ZBED6: variants seen among roughly 807,000 people sequenced by gnomAD.
The protein encoded by ZBED6 is zinc finger BED domain-containing protein 6.
ZBED6 carries 40 observed loss-of-function variants against 58.4 expected under a neutral mutation model. The ratio of observed to expected loss-of-function variants is 0.68; its 90% CI spans 0.53 to 0.89. ZBED6 has a LOEUF of 0.89. ZBED6 is among the 40% of genes least tolerant of loss of function. The pLI, the probability that ZBED6 is intolerant of heterozygous loss-of-function variation, is 0.00. For synonymous variants in ZBED6, 439 were observed against 350.6 expected, an observed-to-expected ratio of 1.25 and a Z score of -2.82; for missense variants, 1,057 against 1,003.9, an observed-to-expected ratio of 1.05 and a Z score of -0.71.
Position 203,799,932 on chromosome 1 carries a change from G to T in ZBED6, c.2410G>T (p.Glu804Ter), listed in dbSNP as rs1454128037. 1.3e-6 allele frequency: 2 copies of T among 1,536,080 alleles called. No individual in the cohort carries two copies. The highest frequency in any genetic ancestry group is 2.7e-5 in the African/African-American group (2 of 73,154). ...TGCAGAAGAGGTCTGTAATTATATG[G>T]AATCTTCACCAGAGATCTGCCAAAT... The change falls in exon 1 of 17, where the codon GAA becomes TAA. Residue 804 changes from glutamate to a stop codon, truncating the protein, a stop_gained. Transcript: ENST00000550078. LOFTEE classifies it high-confidence loss of function.
At chr1:203,852,432 C>T (rs909652446) in exon 17 of ZBED6, 7 of 1,601,250 alleles carry the variant, frequency 4.4e-6, no homozygotes, top group South Asian at 2.3e-5. Context: ...AAAAAAAAAT[C>T]GCCAAAAAAC....
chr1:203,814,326 C>T lies in ZBED6; in HGVS notation c.*2555-2600C>T, dbSNP rs188385820. On this transcript the variant is annotated intron_variant, in intron 1 of 16. Coordinates refer to ENST00000550078, the Ensembl canonical transcript of ZBED6. ...ATCATCTGAGGTCAGAAGTTCAAGA[C>T]CAGCCTGGCCAACATGGCGAAACCC... Among the ~76,000 whole-genome samples the T allele has an allele frequency of 1.2e-4, 18 of 152,256 alleles. No individual in the cohort carries two copies. The East Asian group carries it at 3.5e-3, about 29-fold the overall frequency.
At chr1:203,843,123 C>T (rs1373664310) in intron 11 of ZBED6, among the ~76,000 whole-genome samples, 1 of 152,048 alleles carries the variant, frequency 6.6e-6, no homozygotes, top group Non-Finnish European at 1.5e-5. Context: ...TGTATGCAAC[C>T]TGAATTATTC....
Position 203,838,066 on chromosome 1 carries a change from T to C in ZBED6, c.*3672+2T>C. 6.2e-7 allele frequency: 1 copy of C among 1,613,934 alleles called. No homozygotes were observed. Among genetic ancestry groups the C allele is most frequent in the Non-Finnish European group, 8.5e-7 (1 of 1,179,812 alleles). On this transcript the variant is annotated splice_donor_variant, in intron 10 of 16. Transcript: ENST00000550078. LOFTEE classifies it low-confidence loss of function (3UTR_SPLICE). ...ACATTGACAAAACACCAAAGAAAGG[T>C]ACCTGTGTTCTTACATACTTTGTGT...
In ZBED6 at chr1:203,849,703, A is replaced by G. The variant is rs371893124; in HGVS notation, c.*4323-8A>G. The G allele has an allele frequency of 1.8e-4, 291 of 1,613,270 alleles. No homozygotes were observed. The African/African-American group carries it at 3.6e-3, about 20-fold the overall frequency. ...GATTTTAATTCTGTCATTCAAATTT[A>G]TCCACAGGCTTCAGGTGAGACCACA... On this transcript the variant is annotated splice_region_variant and splice_polypyrimidine_tract_variant and intron_variant, in intron 13 of 16. Coordinates refer to ENST00000550078, the Ensembl canonical transcript of ZBED6.
intron 4 of ZBED6, 70 bp from the exon 5 acceptor site, chr1:203,829,380 TG>T: frequency 1.4e-6 from 2 of 1,478,128 alleles, no homozygotes; most frequent in Non-Finnish European, 1.9e-6. Flanking sequence ...TTTTCATAGG[TG>T]GTCAGGAATT....
intron 4 of ZBED6, among the ~76,000 whole-genome samples, chr1:203,829,051 T>G (rs1395913253): frequency 6.6e-6 from 1 of 152,214 alleles, no homozygotes; most frequent in Admixed American, 6.5e-5. Flanking sequence ...TTACCTCAAT[T>G]TAAGGGAAAA....
chr1:203,813,002 T>C (rs1385340098), intron 1 of ZBED6, among the ~76,000 whole-genome samples: 1 of 152,192 alleles, frequency 6.6e-6, no homozygotes, highest in East Asian at 1.9e-4. Flanking sequence ...TCAGATCTTT[T>C]GCCTTTTTGA....
chr1:203,815,216 C>CTTTTCTTTTCT (rs1553261508), intron 1 of ZBED6, among the ~76,000 whole-genome samples: 1 of 97,154 alleles, frequency 1.0e-5, no homozygotes, highest in African/African-American at 3.9e-5. Context: ...CTTTTCTTTT[C>CTTTTCTTTTCT]TTTTTTTTTT....
Position 203,797,633 on chromosome 1 carries a change from A to C in ZBED6, c.111A>C (p.Thr37=), listed in dbSNP as rs774715337. 7.2e-6 allele frequency: 11 copies of C among 1,535,998 alleles called. No homozygotes were observed. The South Asian group carries it at 1.1e-4, about 15-fold the overall frequency. ...GATGTGTTCCTATTAATTCTAATAC[A>C]GATGAAGAAGATGTGGTAGAGGAAA... The change falls in exon 1 of 17, where the codon ACA becomes ACC. Residue 37 remains threonine, a synonymous_variant. Transcript: ENST00000550078.
intron 1 of ZBED6, among the ~76,000 whole-genome samples, chr1:203,808,185 G>T (rs1291880125): frequency 2.6e-5 from 4 of 152,140 alleles, no homozygotes; most frequent in Admixed American, 2.6e-4. Flanking sequence ...AAACTTCTAA[G>T]TTCTGAGCTA....
chr1:203,833,707 C>G (rs1683258722), intron 8 of ZBED6, 84 bp from the exon 9 acceptor site: 2 of 989,676 alleles, frequency 2.0e-6, no homozygotes, highest in African/African-American at 1.8e-5. Flanking sequence ...ACACTAATAT[C>G]AGAACATACT....
intron 3 of ZBED6, among the ~76,000 whole-genome samples, chr1:203,826,551 C>T (rs572340226): frequency 1.3e-5 from 2 of 152,194 alleles, no homozygotes; most frequent in Admixed American, 1.3e-4. Context: ...CTTCCACGTC[C>T]CTGAAAACAG....
chr1:203,825,104 A>T (rs1193089173), intron 3 of ZBED6, among the ~76,000 whole-genome samples: 1 of 149,970 alleles, frequency 6.7e-6, no homozygotes, highest in Non-Finnish European at 1.5e-5. Flanking sequence ...AAGAAAATAG[A>T]TGTTAGATAA....
chr1:203,837,858 A>T, intron 9 of ZBED6, 108 bp from the exon 10 acceptor site: 1 of 1,002,818 alleles, frequency 1.0e-6, no homozygotes, highest in Non-Finnish European at 1.5e-6. Flanking sequence ...CGCCATATGT[A>T]TGCAGAACAC....
exon 12 of ZBED6, chr1:203,847,376 A>G (rs747921054): frequency 6.2e-7 from 1 of 1,613,802 alleles, no homozygotes; most frequent in Admixed American, 1.7e-5. Context: ...GTCCTGGCTG[A>G]AAAAAAACAT....
At chr1:203,809,518 A>G (rs1475185090) in intron 1 of ZBED6, among the ~76,000 whole-genome samples, 2 of 152,076 alleles carry the variant, frequency 1.3e-5, no homozygotes, top group Non-Finnish European at 2.9e-5. Flanking sequence ...TAGCAATGCT[A>G]TATCCTTTAA....
chr1:203,815,919 G>T (rs1050856592), intron 1 of ZBED6, among the ~76,000 whole-genome samples: 1 of 152,136 alleles, frequency 6.6e-6, no homozygotes, highest in Non-Finnish European at 1.5e-5. Flanking sequence ...GGAGATCAGG[G>T]TATGCCATGG....
intron 2 of ZBED6, 100 bp from the exon 3 acceptor site, chr1:203,818,470 C>G: frequency 6.7e-7 from 1 of 1,496,660 alleles, no homozygotes; most frequent in Non-Finnish European, 9.1e-7. Flanking sequence ...TCCTTTCTTA[C>G]TCATTTGTGC....
Sources: allele counts gnomAD v4.1 joint callset (sites outside exome capture counted in the v4.1 genomes callset), GRCh38; gene constraint gnomAD v4.1.1; transcripts MANE v1.5; gene names NCBI Gene and HGNC (gene_info 2026-07-23, HGNC 2026-07-21).